RIPK1: variants seen among roughly 807,000 people sequenced by gnomAD.
RIPK1 encodes receptor-interacting serine/threonine-protein kinase 1.
RIPK1 carries 27 observed loss-of-function variants against 62.4 expected under a neutral mutation model. The observed-to-expected ratio is 0.43, with a 90% CI of 0.32 to 0.60. The LOEUF (loss-of-function observed/expected upper bound fraction) is 0.60, where lower values mean the gene tolerates loss of function less well. RIPK1 is among the 20% of genes least tolerant of loss of function. The pLI, the probability that RIPK1 is intolerant of heterozygous loss-of-function variation, is 0.07. For synonymous variants in RIPK1, 287 were observed against 303.2 expected (o/e 0.95, Z 0.55); for missense variants, 735 against 831.0 (o/e 0.88, Z 1.42).
Position 3,072,796 on chromosome 6 carries a change from G to A in RIPK1, c.-60-3968G>A, listed in dbSNP as rs534715030. Among the ~76,000 whole-genome samples, 24 of 152,306 alleles carry A rather than the reference G, an allele frequency of 1.6e-4. No individual in the cohort carries two copies. Among genetic ancestry groups the A allele is most frequent in the African/African-American group, 3.4e-4 (14 of 41,570 alleles). On this transcript the variant is annotated intron_variant, in intron 1 of 10. Coordinates refer to ENST00000259808, the MANE Select transcript of RIPK1 (RefSeq NM_001354930.2). This position sits in a 1 kb window ranked among gnomAD's most constrained non-coding sequence, Gnocchi z 5.6. The stretch of plus-strand genomic sequence containing the variant: ...TTGGAAGAATATGGCCTAAGAGGGT[G>A]GGGCGGATGACCCTTATGGAATGGG...
chr6:3,090,643 C>G (rs982552983), intron 7 of RIPK1, among the ~76,000 whole-genome samples: 2 of 152,132 alleles, frequency 1.3e-5, no homozygotes, highest in Non-Finnish European at 2.9e-5. Context: ...ATACACATCT[C>G]TCTTCAATTG....
intron 9 of RIPK1, 70 bp downstream of exon 9, chr6:3,106,121 T>C: frequency 8.5e-7 from 1 of 1,174,502 alleles, no homozygotes; most frequent in South Asian, 1.4e-5. Flanking sequence ...ACCAAGCAGC[T>C]CTATTATAGA....
intron 9 of RIPK1, among the ~76,000 whole-genome samples, chr6:3,107,265 A>C (rs933777656): frequency 6.7e-5 from 10 of 149,546 alleles, no homozygotes; most frequent in African/African-American, 2.5e-4. Context: ...AAAAAAAAAA[A>C]AATTCCACTG....
At position 3,068,562 on chromosome 6, in the gene RIPK1, A is replaced by G. The variant is rs1581368925; in HGVS notation, c.-160A>G. 4 of 985,248 alleles carry G rather than the reference A, an allele frequency of 4.1e-6. No homozygotes were observed. In the African/African-American group the frequency reaches 5.2e-5, roughly 13 times the overall value. The allele number at this position is 985,248 out of a possible 1,614,324, so 61.0% of individuals were successfully genotyped here. ...CCAGCTGCCGGAGCGCGGCGACTCC[A>G]GGGGACCCACAGCTGGGGCGCCAGA... On this transcript the variant is annotated 5_prime_UTR_variant, in exon 1 of 11. Coordinates refer to ENST00000259808, the MANE Select transcript of RIPK1 (RefSeq NM_001354930.2).
intron 1 of RIPK1, among the ~76,000 whole-genome samples, chr6:3,076,074 T>C (rs541748196): frequency 6.6e-5 from 10 of 152,328 alleles, no homozygotes; most frequent in South Asian, 2.1e-4. Flanking sequence ...AGCTACTGCC[T>C]GCCTCCGGTG....
At chr6:3,076,214 G>A (rs1759039076) in intron 1 of RIPK1, among the ~76,000 whole-genome samples, 1 of 152,058 alleles carries the variant, frequency 6.6e-6, no homozygotes, top group Non-Finnish European at 1.5e-5. Flanking sequence ...ATTTTCTAAT[G>A]CTCCATATTG....
intron 6 of RIPK1, among the ~76,000 whole-genome samples, chr6:3,087,069 T>G (rs911325034): frequency 6.6e-6 from 1 of 152,242 alleles, no homozygotes; most frequent in African/African-American, 2.4e-5. Flanking sequence ...CCTTAATCAT[T>G]CTTTTAGGAT....
rs561686865 is a variant in RIPK1 at position 3,076,707 on chromosome 6, T to C, written c.-60-57T>C. The C allele has an allele frequency of 4.8e-3, 1,616 of 336,150 alleles. 134 individuals are homozygous for C. Among genetic ancestry groups the C allele is most frequent in the African/African-American group, 0.032 (1,288 of 40,114 alleles). 20.8% of individuals were successfully genotyped at this position (336,150 alleles called of 1,614,324 possible). A position where few individuals can be genotyped will look rare whatever the true frequency, so the allele number is the denominator to read the frequency against. The stretch of plus-strand genomic sequence containing the variant: ...AAGGAGAAAAAAAAAAACATATATA[T>C]ATATATATATATATATATAGTCTTG... On this transcript the variant is annotated intron_variant, in intron 1 of 10. Transcript: ENST00000259808.
intron 7 of RIPK1, among the ~76,000 whole-genome samples, chr6:3,094,672 A>G (rs149670617): frequency 1.3e-5 from 2 of 151,952 alleles, no homozygotes; most frequent in East Asian, 3.9e-4. Context: ...AGAAAAAAGA[A>G]GTAAATAATA....
rs1482217683 is a variant in RIPK1, at chr6:3,104,300, A to T, written c.991A>T (p.Ser331Cys). The change falls in exon 8 of 11, where the codon AGC becomes TGC. Residue 331 changes from serine to cysteine, a missense_variant. Coordinates refer to ENST00000259808, the MANE Select transcript of RIPK1 (RefSeq NM_001354930.2). ...ACTTGATTGTGTGGCAGTACCTTCA[A>T]GCCGGTCAAATTCAGGTAAATTACA... ...LQLDCVAVPS[S>C]RSNSATEQPG... 3 of 1,586,538 alleles carry T rather than the reference A, an allele frequency of 1.9e-6. No individual in the cohort carries two copies. The African/African-American group carries it at 4.0e-5, about 21-fold the overall frequency.
Position 3,072,075 on chromosome 6 carries a change from C to G in RIPK1, c.-61+3414C>G, listed in dbSNP as rs2113548336. Among the ~76,000 whole-genome samples, 1 of 152,294 alleles carries G rather than the reference C, an allele frequency of 6.6e-6. No homozygotes were observed. Among genetic ancestry groups the G allele is most frequent in the East Asian group, 1.9e-4 (1 of 5,190 alleles). On this transcript the variant is annotated intron_variant, in intron 1 of 10. Transcript: ENST00000259808. The surrounding 1 kb of genome is among the most constrained non-coding windows in gnomAD (Gnocchi z 5.6). ...TGTTGATGGGCATAACTGATTCTCT[C>G]CTCTGTACATGCTAAGTGTTTTACC...
upstream of RIPK1, among the ~76,000 whole-genome samples, chr6:3,064,739 C>T (rs1202780094): frequency 6.6e-6 from 1 of 152,124 alleles, no homozygotes; most frequent in Non-Finnish European, 1.5e-5. Flanking sequence ...GAATTAATCC[C>T]GTGATGGACG....
At chr6:3,109,583 T>C (rs1420880531) in intron 9 of RIPK1, among the ~76,000 whole-genome samples, 2 of 152,192 alleles carry the variant, frequency 1.3e-5, no homozygotes, top group African/African-American at 2.4e-5. Context: ...AGCTTTGCTG[T>C]GTTGTTCATC....
intron 7 of RIPK1, among the ~76,000 whole-genome samples, chr6:3,095,388 T>C (rs1047270792): frequency 1.3e-5 from 2 of 152,214 alleles, no homozygotes; most frequent in Non-Finnish European, 2.9e-5. Flanking sequence ...GAAGAAATTA[T>C]GTCAATCTTA....
At chr6:3,073,106 A>G (rs751541018) in intron 1 of RIPK1, among the ~76,000 whole-genome samples, 1 of 152,128 alleles carries the variant, frequency 6.6e-6, no homozygotes, top group Non-Finnish European at 1.5e-5. Context: ...ATATATACAT[A>G]TGTACATATA....
At chr6:3,068,195 G>A (rs928526699), upstream of RIPK1, 12 of 984,806 alleles carry the variant, frequency 1.2e-5, no homozygotes, top group Non-Finnish European at 1.3e-5. Flanking sequence ...TGAAGGTAGA[G>A]GAATGCTAAC....
At chr6:3,102,037 AT>A (rs1425693585) in intron 7 of RIPK1, among the ~76,000 whole-genome samples, 2 of 152,154 alleles carry the variant, frequency 1.3e-5, no homozygotes, top group African/African-American at 4.8e-5. Context: ...CACACAATGT[AT>A]TTCCTTTGGA....
At chr6:3,100,037 A>G (rs1561769705) in intron 7 of RIPK1, among the ~76,000 whole-genome samples, 2 of 152,256 alleles carry the variant, frequency 1.3e-5, no homozygotes, top group African/African-American at 2.4e-5. Flanking sequence ...ACTAACATGT[A>G]ATGATATAGA....
chr6:3,076,557 T>C (rs1759057790), intron 1 of RIPK1, among the ~76,000 whole-genome samples: 1 of 151,336 alleles, frequency 6.6e-6, no homozygotes, highest in Admixed American at 6.6e-5. Context: ...GGTGCACCTG[T>C]GGTCCCAGCT....
Sources: gnomAD v4.1 joint callset for allele counts (sites outside exome capture counted in the v4.1 genomes callset) on GRCh38, gnomAD v4.1.1 for gene constraint, Gnocchi (gnomAD v3.1) non-coding constraint, MANE v1.5 for transcripts, NCBI Gene and HGNC (gene_info 2026-07-23, HGNC 2026-07-21) for gene names.